The following GRK5 variants were observed in gnomAD, a reference collection of about 807,000 sequenced individuals.
The protein encoded by GRK5 is g protein-coupled receptor kinase GRK5.
A neutral mutation model predicts 78.4 loss-of-function variants in GRK5; 40 were observed. The ratio of observed to expected loss-of-function variants is 0.51; its 90% CI spans 0.40 to 0.66. The LOEUF (loss-of-function observed/expected upper bound fraction) is 0.66, where lower values mean the gene tolerates loss of function less well. Ranked by LOEUF, GRK5 falls within the 30% of genes least tolerant of loss-of-function variation. GRK5 has a pLI of 0.00. For synonymous variants in GRK5, 289 were observed against 296.8 expected, an observed-to-expected ratio of 0.97 and a Z score of 0.27; for missense variants, 598 against 759.9, an observed-to-expected ratio of 0.79 and a Z score of 2.50.
chr10:119,365,693 A>G (rs1026956922), intron 2 of GRK5, among the ~76,000 whole-genome samples: 4 of 152,216 alleles, frequency 2.6e-5, no homozygotes, highest in African/African-American at 7.2e-5. Context: ...TTTCCCCACC[A>G]GGAAGATGAG....
chr10:119,409,111 C>T (rs1852291341), intron 4 of GRK5, among the ~76,000 whole-genome samples: 1 of 152,242 alleles, frequency 6.6e-6, no homozygotes, highest in Non-Finnish European at 1.5e-5. Flanking sequence ...CTCCGGGGCC[C>T]AGCCCAGCTC....
intron 2 of GRK5, among the ~76,000 whole-genome samples, chr10:119,334,199 G>C (rs1406585584): frequency 6.6e-6 from 1 of 152,242 alleles, no homozygotes; most frequent in Admixed American, 6.5e-5. Context: ...CCAGTGCTTT[G>C]AGGGGCGGAG....
chr10:119,293,988 C>T (rs967409959), intron 1 of GRK5, among the ~76,000 whole-genome samples: 1 of 152,100 alleles, frequency 6.6e-6, no homozygotes. Context: ...TCAACCTCCA[C>T]CCCCACCTCT....
intron 1 of GRK5, among the ~76,000 whole-genome samples, chr10:119,252,139 G>A (rs1849214499): frequency 6.6e-6 from 1 of 152,208 alleles, no homozygotes; most frequent in African/African-American, 2.4e-5. Flanking sequence ...TGCCGATAGG[G>A]GCAGCTGTGT....
chr10:119,364,225 A>C lies in GRK5; in HGVS notation c.149-16590A>C, dbSNP rs1851410238. ...ATGAGCTGAGCAAACCTGGATGTGA[A>C]TCTAAGGGGGCTGGGAACTGAGACA... On this transcript the variant is annotated intron_variant, in intron 2 of 15. Transcript: ENST00000392870. Among the ~76,000 whole-genome samples the C allele has an allele frequency of 2.0e-5, 3 of 152,312 alleles. No homozygotes were observed. The South Asian group carries it at 6.2e-4, about 32-fold the overall frequency.
chr10:119,449,453 A>G (rs1378090939), intron 13 of GRK5, among the ~76,000 whole-genome samples: 3 of 152,190 alleles, frequency 2.0e-5, no homozygotes, highest in African/African-American at 4.8e-5. Flanking sequence ...GGATGGCATC[A>G]GTGTGATGGG....
chr10:119,373,603 G>T (rs941150835), intron 2 of GRK5, among the ~76,000 whole-genome samples: 27 of 152,128 alleles, frequency 1.8e-4, no homozygotes, highest in African/African-American at 6.3e-4. Flanking sequence ...TACCCAGTCA[G>T]GTATGTCTTT....
intron 9 of GRK5, 45 bp downstream of exon 9, chr10:119,436,886 GT>G (rs764507626): frequency 6.6e-7 from 1 of 1,526,528 alleles, no homozygotes. Context: ...GTCCGAGGGG[GT>G]GGGGCCAGCC....
At chr10:119,371,920 G>A (rs1357468264) in intron 2 of GRK5, among the ~76,000 whole-genome samples, 1 of 152,224 alleles carries the variant, frequency 6.6e-6, no homozygotes, top group Admixed American at 6.5e-5. Flanking sequence ...GATGGCCTCA[G>A]GTAAAGGGAC....
chr10:119,307,311 A>G (rs1263714653), intron 1 of GRK5, among the ~76,000 whole-genome samples: 2 of 152,024 alleles, frequency 1.3e-5, no homozygotes, highest in African/African-American at 4.8e-5. Context: ...TCCCCTAAAG[A>G]TGTCGTATCC....
chr10:119,425,294 C>CAA (rs56067648), intron 6 of GRK5, among the ~76,000 whole-genome samples: 52,282 of 150,870 alleles, frequency 0.35, 10,121 homozygotes, highest in Admixed American at 0.43. Context: ...CACACACACA[C>CAA]ACAAACACAC....
At chr10:119,418,360 G>A (rs566409084) in intron 4 of GRK5, among the ~76,000 whole-genome samples, 47 of 152,216 alleles carry the variant, frequency 3.1e-4, no homozygotes, top group Non-Finnish European at 5.6e-4. Context: ...GGAGCTCAGC[G>A]CTGGGGAGTG....
intron 3 of GRK5, among the ~76,000 whole-genome samples, chr10:119,384,115 G>A (rs146077936): frequency 1.8e-4 from 27 of 152,222 alleles, no homozygotes; most frequent in Admixed American, 1.3e-4. Flanking sequence ...CACTTCTGGC[G>A]TTTCTGACTT....
chr10:119,296,408 G>A (rs1850082642), intron 1 of GRK5, among the ~76,000 whole-genome samples: 1 of 152,210 alleles, frequency 6.6e-6, no homozygotes, highest in South Asian at 2.1e-4. Flanking sequence ...TAGTTGAGGT[G>A]GACTCTGTCC....
At chr10:119,454,074 T>G (rs533258416) in intron 15 of GRK5, among the ~76,000 whole-genome samples, 1 of 152,340 alleles carries the variant, frequency 6.6e-6, no homozygotes, top group South Asian at 2.1e-4. Context: ...GTTCTGCTCC[T>G]TCCTCCTCTC....
At chr10:119,409,746 G>GGAT (rs1293023466) in intron 4 of GRK5, among the ~76,000 whole-genome samples, 1 of 152,200 alleles carries the variant, frequency 6.6e-6, no homozygotes, top group East Asian at 1.9e-4. Context: ...CAGCCCGAAG[G>GGAT]GATGAAGTCT....
At position 119,270,033 on chromosome 10, in the gene GRK5, C is replaced by A. The variant is rs184515508; in HGVS notation, c.53-56483C>A. On this transcript the variant is annotated intron_variant, in intron 1 of 15. Transcript: ENST00000392870. ...TGAATGTACCTTCCTATTGCTGTTC[C>A]CTCTGCCCAGAGTCCCGTGCTCTCC... Among the ~76,000 whole-genome samples the A allele has an allele frequency of 3.7e-3, 562 of 152,190 alleles. 3 individuals are homozygous for A. The highest frequency in any genetic ancestry group is 2.8e-3 in the Non-Finnish European group (192 of 67,994).
intron 1 of GRK5, among the ~76,000 whole-genome samples, chr10:119,260,295 C>A (rs947905380): frequency 6.6e-6 from 1 of 151,994 alleles, no homozygotes; most frequent in East Asian, 1.9e-4. Flanking sequence ...GCCGCCGCAC[C>A]GGCCAAGGTC....
At chr10:119,320,211 C>T (rs1850560604) in intron 1 of GRK5, among the ~76,000 whole-genome samples, 1 of 152,224 alleles carries the variant, frequency 6.6e-6, no homozygotes, top group Non-Finnish European at 1.5e-5. Context: ...ATGACACTTG[C>T]ATTCACTCAG....
Sources: allele counts gnomAD v4.1 joint callset (sites outside exome capture counted in the v4.1 genomes callset), GRCh38; gene constraint gnomAD v4.1.1; transcripts MANE v1.5; gene names NCBI Gene and HGNC (gene_info 2026-07-23, HGNC 2026-07-21).